FNBP1L: variants seen among roughly 807,000 people sequenced by gnomAD.
FNBP1L encodes the protein formin binding protein 1 like, also known as formin-binding protein 1-like.
Under a neutral mutation model 91.2 loss-of-function variants are expected in FNBP1L, and 36 were observed. The ratio of observed to expected loss-of-function variants is 0.39; its 90% CI spans 0.30 to 0.52. The LOEUF is 0.52. FNBP1L is among the 20% of genes least tolerant of loss of function. The pLI is 0.66. For synonymous variants in FNBP1L, 242 were observed against 237.0 expected, an observed-to-expected ratio of 1.02 and a Z score of -0.19; for missense variants, 571 against 732.1, an observed-to-expected ratio of 0.78 and a Z score of 2.54.
At chr1:93,459,941 A>ATGTGTGTGTGTGTG (rs34705153) in intron 1 of FNBP1L, among the ~76,000 whole-genome samples, 5,965 of 142,138 alleles carry the variant, frequency 0.042, 166 homozygotes, top group Non-Finnish European at 0.057. Flanking sequence ...TGGATTTCAG[A>ATGTGTGTGTGTGTG]TGTGTGTGTG....
At chr1:93,537,090 G>GT (rs1671874424) in intron 10 of FNBP1L, among the ~76,000 whole-genome samples, 1 of 151,742 alleles carries the variant, frequency 6.6e-6, no homozygotes, top group African/African-American at 2.4e-5. Context: ...CTAAACTGTT[G>GT]TTTAGCAACA....
chr1:93,543,081 A>C (rs1301241523), intron 11 of FNBP1L, among the ~76,000 whole-genome samples: 1 of 152,190 alleles, frequency 6.6e-6, no homozygotes, highest in Non-Finnish European at 1.5e-5. Flanking sequence ...GGCGTGAGCC[A>C]CTGCGCCTGG....
chr1:93,512,810 A>G (rs1338152126), intron 2 of FNBP1L, among the ~76,000 whole-genome samples: 1 of 152,150 alleles, frequency 6.6e-6, no homozygotes, highest in African/African-American at 2.4e-5. Flanking sequence ...AATGCCCACA[A>G]GAGAAAGCAG....
chr1:93,513,658 AT>A (rs1478772688), intron 2 of FNBP1L, among the ~76,000 whole-genome samples: 1 of 152,244 alleles, frequency 6.6e-6, no homozygotes, highest in Non-Finnish European at 1.5e-5. Context: ...AACAGAACCA[AT>A]GACAAAAACC....
intron 2 of FNBP1L, among the ~76,000 whole-genome samples, chr1:93,512,162 A>G (rs909700993): frequency 1.3e-5 from 2 of 152,152 alleles, no homozygotes; most frequent in African/African-American, 4.8e-5. Context: ...ACAAAGATCA[A>G]AAGAGACAAA....
chr1:93,524,503 C>G (rs1671433504), intron 5 of FNBP1L, among the ~76,000 whole-genome samples, 180 bp downstream of exon 5: 1 of 149,744 alleles, frequency 6.7e-6, no homozygotes, highest in African/African-American at 2.5e-5. Context: ...GTCATTTTGT[C>G]ATTTTTCTTG....
At chr1:93,478,175 A>C (rs974851239) in intron 1 of FNBP1L, among the ~76,000 whole-genome samples, 3 of 152,194 alleles carry the variant, frequency 2.0e-5, no homozygotes, top group Non-Finnish European at 2.9e-5. Context: ...TTACCCTCTG[A>C]GCAATTGAAG....
At chr1:93,458,142 A>G (rs1351593226) in intron 1 of FNBP1L, among the ~76,000 whole-genome samples, 1 of 152,132 alleles carries the variant, frequency 6.6e-6, no homozygotes, top group Non-Finnish European at 1.5e-5. Flanking sequence ...TTTGATTTCT[A>G]AGAGCTGTGT....
At chr1:93,537,344 G>T (rs1440292876) in intron 10 of FNBP1L, among the ~76,000 whole-genome samples, 1 of 151,976 alleles carries the variant, frequency 6.6e-6, no homozygotes, top group East Asian at 1.9e-4. Context: ...AAATTAGGTT[G>T]TTTCGTTCTT....
intron 2 of FNBP1L, among the ~76,000 whole-genome samples, chr1:93,507,665 A>T (rs1670681617): frequency 6.6e-6 from 1 of 152,084 alleles, no homozygotes; most frequent in Non-Finnish European, 1.5e-5. Flanking sequence ...TTATTTATTT[A>T]TGAGACGGAG....
At chr1:93,450,087 A>T (rs1388636508) in intron 1 of FNBP1L, among the ~76,000 whole-genome samples, 3 of 152,296 alleles carry the variant, frequency 2.0e-5, no homozygotes, top group Admixed American at 2.0e-4. Context: ...TAAGATTTTT[A>T]AAAAATTCAC....
chr1:93,500,882 T>A (rs1003543484), intron 2 of FNBP1L, among the ~76,000 whole-genome samples: 2 of 152,224 alleles, frequency 1.3e-5, no homozygotes, highest in East Asian at 3.8e-4. Context: ...GTTTCCCTCC[T>A]GTTTGTTTAA....
At chr1:93,470,227 C>G (rs753462170) in intron 1 of FNBP1L, among the ~76,000 whole-genome samples, 20 of 152,094 alleles carry the variant, frequency 1.3e-4, no homozygotes, top group Admixed American at 3.3e-4. Flanking sequence ...AACTCCTGGG[C>G]TCAAGTGAGC....
chr1:93,484,336 A>G (rs900585262), intron 1 of FNBP1L, among the ~76,000 whole-genome samples: 8 of 152,328 alleles, frequency 5.3e-5, no homozygotes, highest in South Asian at 2.1e-4. Context: ...ATACTTAAAC[A>G]TTGCAGTCAC....
chr1:93,472,229 C>T (rs572170670), intron 1 of FNBP1L, among the ~76,000 whole-genome samples: 12 of 152,262 alleles, frequency 7.9e-5, no homozygotes, highest in Admixed American at 2.6e-4. Flanking sequence ...TTAGAAATCT[C>T]CTTGTTCTTG....
chr1:93,479,024 C>T (rs1006850345), intron 1 of FNBP1L, among the ~76,000 whole-genome samples: 7 of 152,164 alleles, frequency 4.6e-5, no homozygotes, highest in Non-Finnish European at 7.3e-5. Flanking sequence ...AAATCTTATC[C>T]CTTATTGGGG....
intron 1 of FNBP1L, among the ~76,000 whole-genome samples, chr1:93,463,145 C>T (rs1001546114): frequency 1.3e-5 from 2 of 152,108 alleles, no homozygotes; most frequent in African/African-American, 4.8e-5. Context: ...AACACACTGC[C>T]ATCAATAAGG....
At chr1:93,451,964 A>G (rs1668512426) in intron 1 of FNBP1L, among the ~76,000 whole-genome samples, 1 of 152,156 alleles carries the variant, frequency 6.6e-6, no homozygotes, top group African/African-American at 2.4e-5. Context: ...TCATATTATT[A>G]ACTAAATGCA....
intron 1 of FNBP1L, among the ~76,000 whole-genome samples, chr1:93,486,114 T>C (rs1486125641): frequency 6.6e-6 from 1 of 152,250 alleles, no homozygotes; most frequent in Admixed American, 6.5e-5. Context: ...CTGTGTTAGA[T>C]GGCAGATGCA....
Sources: gnomAD v4.1 joint callset for allele counts (sites outside exome capture counted in the v4.1 genomes callset) on GRCh38, gnomAD v4.1.1 for gene constraint, MANE v1.5 for transcripts, NCBI Gene and HGNC (gene_info 2026-07-23, HGNC 2026-07-21) for gene names.